Variants in SYNE2 observed in about 807,000 individuals in gnomAD.
SYNE2 encodes spectrin repeat containing nuclear envelope protein 2.
In SYNE2, 431 loss-of-function variants were observed where a neutral mutation model predicts 856.3. The ratio of observed to expected loss-of-function variants is 0.50; its 90% CI spans 0.47 to 0.55. SYNE2 has a LOEUF of 0.55. Ranked by LOEUF, SYNE2 falls within the 20% of genes least tolerant of loss-of-function variation. The probability of loss-of-function intolerance (pLI) is 0.00; values close to 1 mark genes in which losing one functional copy is unlikely to be tolerated. For missense variants in SYNE2, 8,129 were observed against 8,023.2 expected (o/e 1.01, Z -0.50); for synonymous variants, 2,923 against 2,872.3 (o/e 1.02, Z -0.56).
At chr14:63,866,432 G>A (rs1230050158) in intron 1 of SYNE2, among the ~76,000 whole-genome samples, 2 of 152,148 alleles carry the variant, frequency 1.3e-5, no homozygotes, top group Non-Finnish European at 2.9e-5. Context: ...GAAGGCAAAG[G>A]TGGGAAAATC....
intron 1 of SYNE2, among the ~76,000 whole-genome samples, chr14:63,819,257 G>A (rs191278542): frequency 6.6e-6 from 1 of 151,856 alleles, no homozygotes; most frequent in East Asian, 1.9e-4. Flanking sequence ...TTGAGACAGA[G>A]TTTTGCTCTT....
intron 85 of SYNE2, 37 bp from the exon 86 acceptor site, chr14:64,158,588 G>C (rs1282793527): frequency 6.2e-7 from 1 of 1,610,946 alleles, no homozygotes; most frequent in South Asian, 1.1e-5. Flanking sequence ...TCTTCTCAGT[G>C]ATTTTCTAAA....
chr14:64,150,678 TAGTC>T (rs1432209557), intron 84 of SYNE2, among the ~76,000 whole-genome samples: 1 of 152,238 alleles, frequency 6.6e-6, no homozygotes, highest in Non-Finnish European at 1.5e-5. Flanking sequence ...GAAATCTAGT[TAGTC>T]AAGCCTTTAG....
chr14:63,900,069 A>G (rs1315296980), intron 1 of SYNE2, among the ~76,000 whole-genome samples: 1 of 152,192 alleles, frequency 6.6e-6, no homozygotes, highest in Admixed American at 6.5e-5. Flanking sequence ...AGCATCTGGG[A>G]CTAGGTCAGG....
intron 99 of SYNE2, among the ~76,000 whole-genome samples, chr14:64,193,338 T>C (rs2098526520): frequency 6.6e-6 from 1 of 152,138 alleles, no homozygotes; most frequent in Non-Finnish European, 1.5e-5. Flanking sequence ...TCACCTGCAG[T>C]CGGGAGTTTG....
chr14:64,197,131 T>C (rs1341507996), intron 99 of SYNE2: 1 of 152,430 alleles, frequency 6.6e-6, no homozygotes, highest in East Asian at 1.9e-4. Flanking sequence ...TCATCAGCTC[T>C]GCATTGGGCC....
rs561534205 is a variant in SYNE2, at chr14:64,035,895, A to G, written c.7221+4538A>G. ...TTTTTTTTTTTTTTTGTAGAGACCC[A>G]GTCTCACTAAGTTGCCCAGGGTAGT... On this transcript the variant is annotated intron_variant, in intron 45 of 115. Coordinates refer to ENST00000555002, the MANE Select transcript of SYNE2 (RefSeq NM_182914.3). Among the ~76,000 whole-genome samples the G allele has an allele frequency of 9.4e-4, 136 of 144,820 alleles. 1 individual carries two copies. The highest frequency in any genetic ancestry group is 3.4e-3 in the African/African-American group (129 of 38,496).
chr14:63,920,741 C>T (rs1269676139), intron 2 of SYNE2, among the ~76,000 whole-genome samples: 1 of 151,540 alleles, frequency 6.6e-6, no homozygotes, highest in Non-Finnish European at 1.5e-5. Context: ...AATAGGTGTT[C>T]AAGAGATATC....
intron 99 of SYNE2, among the ~76,000 whole-genome samples, chr14:64,192,079 TTTA>T (rs1241553779): frequency 2.0e-5 from 3 of 152,200 alleles, no homozygotes; most frequent in African/African-American, 7.2e-5. Flanking sequence ...AGGTCGTGTG[TTTA>T]TTGAGTGGAA....
chr14:64,062,654 T>C, intron 49 of SYNE2, 97 bp from the exon 50 acceptor site: 1 of 1,209,930 alleles, frequency 8.3e-7, no homozygotes, highest in South Asian at 1.3e-5. Flanking sequence ...ATATCTTTTC[T>C]TAAAAATTAA....
rs945216813 is a variant in SYNE2, at chr14:64,022,012, T to C, written c.5508T>C (p.Phe1836=). The C allele has an allele frequency of 1.9e-6, 3 of 1,613,736 alleles. No homozygotes were observed. Among genetic ancestry groups the C allele is most frequent in the Non-Finnish European group, 2.5e-6 (3 of 1,179,824 alleles). ...NTKKSVLQDH[F]SKLLNDQCKN... ...AAAAAAGTGTTTTGCAAGATCACTT[T>C]TCTAAGTTATTGAATGGTGAGTGCA... is the stretch of plus-strand genomic sequence containing the variant. Residue 1836 remains phenylalanine (F), a synonymous_variant, in exon 37 of 116, where the codon TTT becomes TTC. Coordinates refer to ENST00000555002, the MANE Select transcript of SYNE2 (RefSeq NM_182914.3).
chr14:64,208,027 G>T (rs1331966431), intron 100 of SYNE2: 7 of 455,996 alleles, frequency 1.5e-5, no homozygotes, highest in South Asian at 9.3e-5. Context: ...TCGTGAAGAG[G>T]TTTTCCAGTT....
At chr14:64,169,402 T>C (rs1475325186) in intron 93 of SYNE2, among the ~76,000 whole-genome samples, 1 of 152,256 alleles carries the variant, frequency 6.6e-6, no homozygotes, top group Non-Finnish European at 1.5e-5. Context: ...AGAAGGGCTT[T>C]CTCTCCATGC....
Position 64,198,455 on chromosome 14 carries a change from G to A in SYNE2, c.18039-4346G>A, listed in dbSNP as rs77219723. ...GTCTGTACAGAACAGAACGATACAC[G>A]CTCAGCAGTGCACCTGATGAGTCCC... On this transcript the variant is annotated intron_variant, in intron 99 of 115. Coordinates refer to ENST00000555002, the MANE Select transcript of SYNE2 (RefSeq NM_182914.3). 7.6e-4 allele frequency among the ~76,000 whole-genome samples: 116 copies of A among 152,306 alleles called. 2 individuals carry two copies. Among genetic ancestry groups the A allele is most frequent in the East Asian group, 6.9e-3 (36 of 5,188 alleles).
chr14:63,863,261 A>C, intron 1 of SYNE2, among the ~76,000 whole-genome samples: 1 of 152,146 alleles, frequency 6.6e-6, no homozygotes. Flanking sequence ...TCTTTTTTTC[A>C]AGGTTCGAGA....
intron 57 of SYNE2, among the ~76,000 whole-genome samples, chr14:64,085,212 A>G (rs2097551803): frequency 6.6e-6 from 1 of 152,192 alleles, no homozygotes; most frequent in Non-Finnish European, 1.5e-5. Flanking sequence ...AGTTGGGACT[A>G]CAGGCGCACA....
At chr14:64,040,862 AG>A (rs1435421093) in intron 45 of SYNE2, among the ~76,000 whole-genome samples, 1 of 151,898 alleles carries the variant, frequency 6.6e-6, no homozygotes, top group Non-Finnish European at 1.5e-5. Context: ...TGTTTCAAGA[AG>A]AACAGAGAGC....
rs76245251 is a variant in SYNE2 at position 64,019,632 on chromosome 14, A to C, written c.5050-360A>C. On this transcript the variant is annotated intron_variant, in intron 34 of 115. Coordinates refer to ENST00000555002, the MANE Select transcript of SYNE2 (RefSeq NM_182914.3). ...GACAGCTGTGGGCCAAAATCTGCTA[A>C]AATTGTGTGTCCGTGTGTGTGTGTG... is the stretch of plus-strand genomic sequence containing the variant. Among the ~76,000 whole-genome samples, 162 of 152,300 alleles carry C rather than the reference A, an allele frequency of 1.1e-3. 3 individuals carry two copies. The South Asian group carries it at 0.015, about 14-fold the overall frequency.
chr14:64,055,795 A>G (rs2097263789), intron 48 of SYNE2, 149 bp from the exon 49 acceptor site: 4 of 566,140 alleles, frequency 7.1e-6, no homozygotes, highest in Non-Finnish European at 3.1e-6. Context: ...AAACCTGCAC[A>G]TTGTGCACAT....
Sources: allele counts gnomAD v4.1 joint callset (sites outside exome capture counted in the v4.1 genomes callset), GRCh38; gene constraint gnomAD v4.1.1; transcripts MANE v1.5; gene names NCBI Gene and HGNC (gene_info 2026-07-23, HGNC 2026-07-21).